Variants in AGBL1 observed in about 807,000 individuals in gnomAD.
The protein encoded by AGBL1 is AGBL carboxypeptidase 1, also known as cytosolic carboxypeptidase 4.
Under a neutral mutation model 118.9 loss-of-function variants are expected in AGBL1, and 130 were observed. The ratio of observed to expected loss-of-function variants is 1.09; its 90% CI spans 0.95 to 1.26. The LOEUF (loss-of-function observed/expected upper bound fraction) is 1.26, where lower values mean the gene tolerates loss of function less well. Among genes scored for constraint, AGBL1 ranks in the 50% most tolerant of loss-of-function variants. The probability of loss-of-function intolerance (pLI) is 0.00; values close to 1 mark genes in which losing one functional copy is unlikely to be tolerated. For synonymous variants in AGBL1, 555 were observed against 478.9 expected (o/e 1.16, Z -2.08); for missense variants, 1,584 against 1,298.1 (o/e 1.22, Z -3.38).
In AGBL1 at chr15:86,173,709, C is replaced by G. The variant is rs75707913; in HGVS notation, c.488+14683C>G. On this transcript the variant is annotated intron_variant, in intron 5 of 22. Transcript: ENST00000614907. The stretch of plus-strand genomic sequence containing the variant: ...ATTTATTGAAGAGGGTGTCCTTTCC[C>G]CAAAGGATGTTGTTGGTGCTTTTTT... 3.8e-3 allele frequency among the ~76,000 whole-genome samples: 585 copies of G among 152,156 alleles called. 5 individuals are homozygous for G. The highest frequency in any genetic ancestry group is 0.013 in the African/African-American group (556 of 41,502).
At chr15:86,765,003 A>AG (rs1179869069) in intron 22 of AGBL1, among the ~76,000 whole-genome samples, 1 of 152,004 alleles carries the variant, frequency 6.6e-6, no homozygotes. Flanking sequence ...TAGGCAGAGT[A>AG]GGCTTGTGTT....
At chr15:86,845,167 T>A (rs894052913) in intron 22 of AGBL1, among the ~76,000 whole-genome samples, 40 of 152,132 alleles carry the variant, frequency 2.6e-4, no homozygotes, top group African/African-American at 9.4e-4. Context: ...CATTTTAAAA[T>A]CTATTTGTCA....
intron 1 of AGBL1, among the ~76,000 whole-genome samples, chr15:86,110,664 G>T (rs1252642084): frequency 6.6e-6 from 1 of 152,140 alleles, no homozygotes; most frequent in South Asian, 2.1e-4. Flanking sequence ...AGAACTAGCT[G>T]TGTGACCTAA....
intron 22 of AGBL1, among the ~76,000 whole-genome samples, chr15:86,832,724 C>G (rs1195330628): frequency 6.6e-6 from 1 of 152,218 alleles, no homozygotes; most frequent in Non-Finnish European, 1.5e-5. Context: ...AAGTTTCAAA[C>G]TTTCCCACAT....
chr15:86,940,060 C>CTTTTTTTTTTTT (rs5814267), intron 23 of AGBL1, among the ~76,000 whole-genome samples: 8 of 59,454 alleles, frequency 1.3e-4, no homozygotes, highest in Non-Finnish European at 1.5e-4. Flanking sequence ...TTTGGTAGTC[C>CTTTTTTTTTTTT]TTTTTTTTTT....
At chr15:86,675,838 G>T (rs1336627017) in intron 22 of AGBL1, among the ~76,000 whole-genome samples, 1 of 152,206 alleles carries the variant, frequency 6.6e-6, no homozygotes, top group Non-Finnish European at 1.5e-5. Context: ...AACTGGCATT[G>T]CTTGCTTTCG....
At chr15:86,866,712 G>C (rs1464338044) in intron 22 of AGBL1, among the ~76,000 whole-genome samples, 1 of 152,144 alleles carries the variant, frequency 6.6e-6, no homozygotes, top group Non-Finnish European at 1.5e-5. Flanking sequence ...AAATTAGCTA[G>C]GCATGGTGGT....
intron 21 of AGBL1, among the ~76,000 whole-genome samples, chr15:86,661,347 G>A: frequency 6.6e-6 from 1 of 151,990 alleles, no homozygotes; most frequent in East Asian, 1.9e-4. Flanking sequence ...GCAGGTACAT[G>A]AGTCACCTTC....
chr15:86,273,906 G>A (rs2079201654), intron 15 of AGBL1, among the ~76,000 whole-genome samples: 1 of 152,184 alleles, frequency 6.6e-6, no homozygotes, highest in African/African-American at 2.4e-5. Context: ...TTCAGAAGTT[G>A]AAGTTGACAG....
chr15:86,265,664 T>G (rs934025739), intron 11 of AGBL1, among the ~76,000 whole-genome samples: 3 of 152,210 alleles, frequency 2.0e-5, no homozygotes, highest in African/African-American at 7.2e-5. Context: ...GCACTTTATC[T>G]GTCATGCTCA....
intron 23 of AGBL1, among the ~76,000 whole-genome samples, chr15:86,938,401 G>A (rs763015272): frequency 2.6e-5 from 4 of 152,150 alleles, no homozygotes; most frequent in African/African-American, 7.2e-5. Context: ...ACCTAATTTG[G>A]TAGAGCTACT....
intron 18 of AGBL1, among the ~76,000 whole-genome samples, chr15:86,407,781 G>A (rs1240671729): frequency 6.6e-6 from 1 of 152,168 alleles, no homozygotes; most frequent in Non-Finnish European, 1.5e-5. Flanking sequence ...GGTTTAATAA[G>A]CATGGGGTCT....
At chr15:86,587,779 G>A (rs988006360) in intron 21 of AGBL1, among the ~76,000 whole-genome samples, 2 of 152,208 alleles carry the variant, frequency 1.3e-5, no homozygotes, top group African/African-American at 2.4e-5. Flanking sequence ...CAGGGAAGAT[G>A]CTGCCATGAG....
At chr15:86,095,289 GCAGTTACTTTGATCTC>G (rs1468090452) in intron 1 of AGBL1, among the ~76,000 whole-genome samples, 2 of 152,084 alleles carry the variant, frequency 1.3e-5, no homozygotes, top group Non-Finnish European at 2.9e-5. Context: ...TTGGCCTTTG[GCAGTTACTTTGATCTC>G]CAGTCCCTCT....
At chr15:86,735,248 A>AT (rs34285482) in intron 22 of AGBL1, among the ~76,000 whole-genome samples, 5 of 151,752 alleles carry the variant, frequency 3.3e-5, no homozygotes, top group Non-Finnish European at 5.9e-5. Flanking sequence ...TGCCCAGCTA[A>AT]TTTTTTGTAT....
Position 86,473,870 on chromosome 15 carries a change from G to T in AGBL1, c.2556-48940G>T, listed in dbSNP as rs1596159527. ...GATTGAGCCTCTGGAAATTTTCCTT[G>T]TTTTTGATAAATTGTGCCAAATTTT... On this transcript the variant is annotated intron_variant, in intron 18 of 22. Coordinates refer to ENST00000614907, the MANE Select transcript of AGBL1 (RefSeq NM_001386094.1). Among the ~76,000 whole-genome samples the T allele has an allele frequency of 2.0e-5, 3 of 152,148 alleles. No homozygotes were observed. The South Asian group carries it at 6.2e-4, about 32-fold the overall frequency.
intron 22 of AGBL1, among the ~76,000 whole-genome samples, chr15:86,798,248 C>T (rs546171301): frequency 6.6e-6 from 1 of 152,264 alleles, no homozygotes; most frequent in South Asian, 2.1e-4. Flanking sequence ...GGCTTGGTAA[C>T]AGTCAGATTA....
At chr15:86,852,103 T>A (rs1055333179) in intron 22 of AGBL1, among the ~76,000 whole-genome samples, 3 of 151,978 alleles carry the variant, frequency 2.0e-5, no homozygotes, top group Admixed American at 2.0e-4. Context: ...CGACACTGAG[T>A]AATTTATAAA....
Position 86,574,057 on chromosome 15 carries a change from A to C in AGBL1, c.2994+19520A>C, listed in dbSNP as rs117082550. Among the ~76,000 whole-genome samples, 268 of 152,294 alleles carry C rather than the reference A, an allele frequency of 1.8e-3. 8 individuals carry two copies. In the East Asian group the frequency reaches 0.042, roughly 24 times the overall value. On this transcript the variant is annotated intron_variant, in intron 21 of 22. Transcript: ENST00000614907. ...CAAATAAACAAACAAACAAAAAAAA[A>C]CCATAAAAGTGAGAGACAGGGCAAT...
Sources: allele counts gnomAD v4.1 joint callset (sites outside exome capture counted in the v4.1 genomes callset), GRCh38; gene constraint gnomAD v4.1.1; transcripts MANE v1.5; gene names NCBI Gene and HGNC (gene_info 2026-07-23, HGNC 2026-07-21).